Variants in FEZ1 observed in about 807,000 individuals in gnomAD.
The protein encoded by FEZ1 is fasciculation and elongation protein zeta 1.
Under a neutral mutation model 49.3 loss-of-function variants are expected in FEZ1, and 20 were observed. The observed-to-expected ratio is 0.41, with a 90% confidence interval of 0.29 to 0.59. The LOEUF is 0.59. Among genes scored for constraint, FEZ1 ranks in the 20% least tolerant of loss-of-function variants. The pLI is 0.36. For synonymous variants in FEZ1, 170 were observed against 180.9 expected (o/e 0.94, Z 0.48); for missense variants, 413 against 476.0 (o/e 0.87, Z 1.23).
intron 3 of FEZ1, among the ~76,000 whole-genome samples, chr11:125,465,052 T>C (rs1456963097): frequency 6.6e-6 from 1 of 152,204 alleles, no homozygotes; most frequent in African/African-American, 2.4e-5. Flanking sequence ...AGATACATTT[T>C]TTCCTCCAGA....
intron 4 of FEZ1, among the ~76,000 whole-genome samples, chr11:125,462,698 A>T (rs140558278): frequency 9.2e-5 from 14 of 152,296 alleles, no homozygotes; most frequent in African/African-American, 2.4e-4. Flanking sequence ...GAAATCCCTT[A>T]TCAAAAATAC....
intron 2 of FEZ1, among the ~76,000 whole-genome samples, chr11:125,484,398 A>C (rs1957309215): frequency 6.6e-6 from 1 of 152,234 alleles, no homozygotes; most frequent in Non-Finnish European, 1.5e-5. Flanking sequence ...ATTCCTAACC[A>C]CTTAACAATT....
chr11:125,489,421 A>T lies in FEZ1; in HGVS notation c.311+46T>A. The T allele has an allele frequency of 6.4e-7, 1 of 1,563,244 alleles. No individual in the cohort carries two copies. Among genetic ancestry groups the T allele is most frequent in the Non-Finnish European group, 8.6e-7 (1 of 1,157,438 alleles). ...GCACTATGTCAAGGAGACAAGGACT[A>T]CAGGGCTCTCGACTGAAGCAGGAGA... On this transcript the variant is annotated intron_variant, in intron 2 of 9. Transcript: ENST00000278919. The surrounding 1 kb of genome is among the most constrained non-coding windows in gnomAD (Gnocchi z 4.2).
chr11:125,459,718 G>A (rs1957054675), intron 5 of FEZ1, among the ~76,000 whole-genome samples: 1 of 152,220 alleles, frequency 6.6e-6, no homozygotes, highest in Non-Finnish European at 1.5e-5. Flanking sequence ...AGTGGCCTTG[G>A]ACAAGTCATG....
rs532913364 is a variant in FEZ1, at chr11:125,476,777, C to T, written c.411+4757G>A. On this transcript the variant is annotated intron_variant, in intron 3 of 9. Transcript: ENST00000278919. ...AGAAGAGAACAAAGCCCTCAGAATG[C>T]TAAATAATAATATTCTTATATATCC... Among the ~76,000 whole-genome samples the T allele has an allele frequency of 2.6e-5, 4 of 152,252 alleles. No homozygotes were observed. The South Asian group carries it at 8.3e-4, about 32-fold the overall frequency.
chr11:125,469,611 T>C (rs1957166002), intron 3 of FEZ1, among the ~76,000 whole-genome samples: 1 of 152,122 alleles, frequency 6.6e-6, no homozygotes, highest in South Asian at 2.1e-4. Context: ...TTGCCCAGGC[T>C]GGTGTGAAAT....
intron 3 of FEZ1, among the ~76,000 whole-genome samples, chr11:125,471,574 G>T (rs1362327717): frequency 1.3e-5 from 2 of 151,882 alleles, no homozygotes; most frequent in Non-Finnish European, 2.9e-5. Context: ...TGATAAAAGG[G>T]TCAACTCATC....
At position 125,489,841 on chromosome 11, in the gene FEZ1, G is replaced by GT; in HGVS notation, c.-45-20dup. On this transcript the variant is annotated intron_variant, in intron 1 of 9. Transcript: ENST00000278919. This position sits in a 1 kb window ranked among gnomAD's most constrained non-coding sequence, Gnocchi z 4.2. ...AGTTTATCTAAAAGAAATGAACAGC[G>GT]TAATGTGAGTTTAGACCAGGCTAAT... 6.6e-7 allele frequency: 1 copy of GT among 1,504,130 alleles called. No individual in the cohort carries two copies. The highest frequency in any genetic ancestry group is 8.9e-7 in the Non-Finnish European group (1 of 1,127,440). 93.2% of individuals were successfully genotyped at this position (1,504,130 alleles called of 1,614,324 possible).
chr11:125,481,650 G>A lies in FEZ1; in HGVS notation c.312-17C>T, dbSNP rs2135778440. The stretch of plus-strand genomic sequence containing the variant: ...TCCCAAACCCTGTAAACAAAGAGAA[G>A]CTCTCATTAACACACATCTGTGGCC... On this transcript the variant is annotated splice_polypyrimidine_tract_variant and intron_variant, in intron 2 of 9. Transcript: ENST00000278919. The A allele has an allele frequency of 6.5e-7, 1 of 1,548,426 alleles. No individual in the cohort carries two copies. Among genetic ancestry groups the A allele is most frequent in the Non-Finnish European group, 8.9e-7 (1 of 1,120,404 alleles).
In FEZ1 at chr11:125,443,635, A is replaced by G. The variant is rs1956872523; in HGVS notation, c.*2460T>C. Among the ~76,000 whole-genome samples, 2 of 152,148 alleles carry G rather than the reference A, an allele frequency of 1.3e-5. No individual in the cohort carries two copies. Among genetic ancestry groups the G allele is most frequent in the African/African-American group, 4.8e-5 (2 of 41,434 alleles). ...GATTTTGCATTTCTAACAAGCTTCTAAGTGCGGTCAGTGCTGCTGGCCTGG... is the reference window on the plus strand; with the variant it reads ...GATTTTGCATTTCTAACAAGCTTCTGAGTGCGGTCAGTGCTGCTGGCCTGG... On this transcript the variant is annotated 3_prime_UTR_variant, in exon 10 of 10. Coordinates refer to ENST00000278919, the MANE Select transcript of FEZ1 (RefSeq NM_005103.5).
chr11:125,488,313 G>T (rs189009087), intron 2 of FEZ1, among the ~76,000 whole-genome samples: 1 of 152,110 alleles, frequency 6.6e-6, no homozygotes, highest in Non-Finnish European at 1.5e-5. Context: ...TCATATGTAC[G>T]TACATACAGG....
rs760515248 is a variant in FEZ1, at chr11:125,495,343, G to C, written c.-46+778C>G. 1.5e-5 allele frequency: 7 copies of C among 469,490 alleles called. No homozygotes were observed. Among genetic ancestry groups the C allele is most frequent in the Non-Finnish European group, 3.1e-5 (7 of 226,168 alleles). 29.1% of individuals were successfully genotyped at this position (469,490 alleles called of 1,614,324 possible). A position where few individuals can be genotyped will look rare whatever the true frequency, so the allele number is the denominator to read the frequency against. ...GAGAGTCGGGGATGCCTAGCGGCGA[G>C]GAGAGAAGGGATAGGCAAAAGGGAA... On this transcript the variant is annotated intron_variant, in intron 1 of 9. Coordinates refer to ENST00000278919, the MANE Select transcript of FEZ1 (RefSeq NM_005103.5). The surrounding 1 kb of genome is among the most constrained non-coding windows in gnomAD (Gnocchi z 4.2).
chr11:125,450,326 G>A (rs986091815), intron 8 of FEZ1, among the ~76,000 whole-genome samples: 5 of 152,104 alleles, frequency 3.3e-5, no homozygotes, highest in African/African-American at 7.2e-5. Context: ...CACCATACTC[G>A]GCCTGTTTTA....
At chr11:125,451,321 T>G (rs995046525) in intron 8 of FEZ1, 22 of 152,364 alleles carry the variant, frequency 1.4e-4, no homozygotes, top group Admixed American at 2.6e-4. Context: ...CAGTGTCTAT[T>G]GATGCAGGCA....
chr11:125,468,507 A>G (rs894025117), intron 3 of FEZ1, among the ~76,000 whole-genome samples: 1 of 152,138 alleles, frequency 6.6e-6, no homozygotes, highest in African/African-American at 2.4e-5. Context: ...TAATTTTTAA[A>G]ATGATTTCCT....
chr11:125,446,091 A>G lies in FEZ1; in HGVS notation c.*4T>C. ...CTGCAGCGAGGCTGCTCCAAAGGGC[A>G]AGGTTAGGTAGGGCAGAGCACTGCA... On this transcript the variant is annotated 3_prime_UTR_variant, in exon 10 of 10. Transcript: ENST00000278919. 1 of 1,613,986 alleles carries G rather than the reference A, an allele frequency of 6.2e-7. No homozygotes were observed. Among genetic ancestry groups the G allele is most frequent in the Non-Finnish European group, 8.5e-7 (1 of 1,179,878 alleles).
intron 3 of FEZ1, among the ~76,000 whole-genome samples, chr11:125,478,240 C>A (rs1957249022): frequency 6.6e-6 from 1 of 152,086 alleles, no homozygotes; most frequent in South Asian, 2.1e-4. Context: ...GTTGGGAGTT[C>A]AAGACCAGCC....
rs597570 is a variant in FEZ1 at position 125,481,576 on chromosome 11, A to T, written c.369T>A (p.Asp123Glu). Residue 123 changes from aspartate to glutamate, a missense_variant, in exon 3 of 10, where the codon GAT becomes GAA. By Grantham distance (45) the Asp-to-Glu change is conservative. Coordinates refer to ENST00000278919, the MANE Select transcript of FEZ1 (RefSeq NM_005103.5). The stretch of plus-strand genomic sequence containing the variant: ...TGCCATTCAGAGCCTCGATGTTTGG[A>T]TCCCTCCAGTCTTCTGAGAGTGAAG... ...YIPSLSEDWR[D>E]PNIEALNGNC... 0.18 allele frequency: 284,736 copies of T among 1,611,700 alleles called. 26,699 individuals carry two copies. Among genetic ancestry groups the T allele is most frequent in the African/African-American group, 0.22 (16,413 of 74,910 alleles).
chr11:125,492,853 A>C (rs1200976990), intron 1 of FEZ1, among the ~76,000 whole-genome samples: 1 of 152,152 alleles, frequency 6.6e-6, no homozygotes, highest in African/African-American at 2.4e-5. Flanking sequence ...CTGTAATCCC[A>C]GCAACTGGAG....
Sources: allele counts gnomAD v4.1 joint callset (sites outside exome capture counted in the v4.1 genomes callset), GRCh38; gene constraint gnomAD v4.1.1; non-coding constraint Gnocchi (gnomAD v3.1); transcripts MANE v1.5; gene names NCBI Gene and HGNC (gene_info 2026-07-23, HGNC 2026-07-21).